The following SPDYA variants were observed in gnomAD, a reference collection of about 807,000 sequenced individuals.
The protein encoded by SPDYA is speedy protein A.
Under a neutral mutation model 36.7 loss-of-function variants are expected in SPDYA, and 11 were observed. The observed-to-expected ratio is 0.30, with a 90% CI of 0.19 to 0.50. The LOEUF (loss-of-function observed/expected upper bound fraction) is 0.50. Ranked by LOEUF, SPDYA falls within the 20% of genes least tolerant of loss-of-function variation. SPDYA has a pLI of 0.98. For synonymous variants in SPDYA, 115 were observed against 118.7 expected, an observed-to-expected ratio of 0.97 and a Z score of 0.20; for missense variants, 287 against 370.9, an observed-to-expected ratio of 0.77 and a Z score of 1.86.
chr2:28,821,381 T>C (rs1207108710), intron 4 of SPDYA, among the ~76,000 whole-genome samples: 1 of 151,918 alleles, frequency 6.6e-6, no homozygotes, highest in Non-Finnish European at 1.5e-5. Context: ...TCTGTATTTT[T>C]AGTAGAGATG....
Position 28,850,355 on chromosome 2 carries a change from G to C in SPDYA, c.*414G>C. 6.2e-7 allele frequency: 1 copy of C among 1,610,958 alleles called. No individual in the cohort carries two copies. The highest frequency in any genetic ancestry group is 8.5e-7 in the Non-Finnish European group (1 of 1,178,468). Reference sequence around the variant, plus strand: ...GTATGACCAGGTTGCCAGTGTACTGGTCTAGCAACATAGGGAAATGATCCA... The same window carrying C: ...GTATGACCAGGTTGCCAGTGTACTGCTCTAGCAACATAGGGAAATGATCCA... On this transcript the variant is annotated 3_prime_UTR_variant, in exon 8 of 8. Coordinates refer to ENST00000334056, the MANE Select transcript of SPDYA (RefSeq NM_182756.4).
rs111598295 is a variant in SPDYA at position 28,817,064 on chromosome 2, A to G, written c.235+815A>G. 4.7e-3 allele frequency among the ~76,000 whole-genome samples: 713 copies of G among 152,308 alleles called. 6 individuals are homozygous for G. The highest frequency in any genetic ancestry group is 0.016 in the African/African-American group (677 of 41,560). On this transcript the variant is annotated intron_variant, in intron 3 of 7. Coordinates refer to ENST00000334056, the MANE Select transcript of SPDYA (RefSeq NM_182756.4). ...ATTTAAAGAAAAGCAAAATGAAAAG[A>G]TGAAACAGGAAAAAATGTAAGGAAT... is the stretch of plus-strand genomic sequence containing the variant.
intron 5 of SPDYA, among the ~76,000 whole-genome samples, chr2:28,823,168 C>T (rs1298194282): frequency 6.6e-6 from 1 of 151,982 alleles, no homozygotes; most frequent in Non-Finnish European, 1.5e-5. Flanking sequence ...TATTTGATAC[C>T]ATTGGTATTC....
In SPDYA at chr2:28,829,407, G is replaced by C. The variant is rs149939624; in HGVS notation, c.552+88G>C. ...TTTTTTAATGTGCTTCTAATGTTTT[G>C]GTATTCTGGGTTTTTTTTTTTTTTC... On this transcript the variant is annotated intron_variant, in intron 6 of 7. Transcript: ENST00000334056. The C allele has an allele frequency of 9.0e-4, 1,174 of 1,303,492 alleles. 14 individuals are homozygous for C. The African/African-American group carries it at 0.016, about 18-fold the overall frequency. The allele number at this position is 1,303,492 out of a possible 1,614,324, so 80.7% of individuals were successfully genotyped here. A position where few individuals can be genotyped will look rare whatever the true frequency, so the allele number is the denominator to read the frequency against.
At chr2:28,826,611 C>CTTTTTTTTTTTTTTTT (rs777338299) in intron 5 of SPDYA, among the ~76,000 whole-genome samples, 2 of 75,328 alleles carry the variant, frequency 2.7e-5, no homozygotes, top group Non-Finnish European at 4.3e-5. Context: ...TTCTTTCTCT[C>CTTTTTTTTTTTTTTTT]TTTTTTTTTT....
chr2:28,813,302 A>G (rs1667898813), intron 1 of SPDYA, among the ~76,000 whole-genome samples: 1 of 152,166 alleles, frequency 6.6e-6, no homozygotes, highest in African/African-American at 2.4e-5. Flanking sequence ...ATTGATAGAA[A>G]ATTTGCATTA....
In SPDYA at chr2:28,840,430, A is replaced by G. The variant is rs990565841; in HGVS notation, c.811A>G (p.Ile271Val). ...QDSYNSLSMDIIGDPSQAYTG... is the reference protein window; with the variant it reads ...QDSYNSLSMDVIGDPSQAYTG... The stretch of plus-strand genomic sequence containing the variant: ...CTCATACAACTCACTGTCAATGGAC[A>G]TAATAGGTGATCCTTCTCAAGCTTA... Residue 271 changes from isoleucine (I) to valine (V), a missense_variant, in exon 7 of 8, where the codon ATA becomes GTA. Coordinates refer to ENST00000334056, the MANE Select transcript of SPDYA (RefSeq NM_182756.4). 6.2e-7 allele frequency: 1 copy of G among 1,614,090 alleles called. No individual in the cohort carries two copies. Among genetic ancestry groups the G allele is most frequent in the African/African-American group, 1.3e-5 (1 of 75,062 alleles).
chr2:28,812,397 C>G (rs1333749985), intron 1 of SPDYA, among the ~76,000 whole-genome samples: 1 of 151,712 alleles, frequency 6.6e-6, no homozygotes, highest in African/African-American at 2.4e-5. Flanking sequence ...AACCACCACC[C>G]TTTATATCAC....
chr2:28,840,614 TAC>T, intron 7 of SPDYA, 145 bp downstream of exon 7: 1 of 1,409,402 alleles, frequency 7.1e-7, no homozygotes, highest in Non-Finnish European at 9.2e-7. Context: ...CCCTTTCAGT[TAC>T]TTTTTGTCTT....
rs1300904720 is a variant in SPDYA, at chr2:28,810,878, C to T, written c.-162C>T. The stretch of plus-strand genomic sequence containing the variant: ...CGACCGACGAGCAACCGTCTGAGGC[C>T]AGGAGCGCTGCGACGGAGCCTTGAC... On this transcript the variant is annotated 5_prime_UTR_variant, in exon 1 of 8. Transcript: ENST00000334056. 1 of 152,272 alleles carries T rather than the reference C, an allele frequency of 6.6e-6. No homozygotes were observed. The highest frequency in any genetic ancestry group is 6.5e-5 in the Admixed American group (1 of 15,290). The allele number at this position is 152,272 out of a possible 1,614,324, so 9.4% of individuals were successfully genotyped here. A position where few individuals can be genotyped will look rare whatever the true frequency, so the allele number is the denominator to read the frequency against.
chr2:28,823,792 C>G (rs1225453150), intron 5 of SPDYA, among the ~76,000 whole-genome samples: 1 of 121,192 alleles, frequency 8.3e-6, no homozygotes, highest in Admixed American at 9.4e-5. Context: ...GTCACCCAGG[C>G]TGGAGTGCAG....
Position 28,826,781 on chromosome 2 carries a change from A to AT in SPDYA, c.381-2362dup, listed in dbSNP as rs112360936. 6.5e-3 allele frequency among the ~76,000 whole-genome samples: 968 copies of AT among 149,958 alleles called. 9 individuals are homozygous for AT. Among genetic ancestry groups the AT allele is most frequent in the African/African-American group, 0.018 (742 of 40,888 alleles). ...AGGCATTCACCACAACACCCAGCTA[A>AT]TTTTTGTATTTTTTTGTAGAGATGG... On this transcript the variant is annotated intron_variant, in intron 5 of 7. Coordinates refer to ENST00000334056, the MANE Select transcript of SPDYA (RefSeq NM_182756.4).
chr2:28,829,126 G>T (rs1205258149), intron 5 of SPDYA, 22 bp from the exon 6 acceptor site: 2 of 1,592,140 alleles, frequency 1.3e-6, no homozygotes, highest in Admixed American at 1.9e-5. Flanking sequence ...TTTCTTTTTT[G>T]GGTTGTGATC....
intron 6 of SPDYA, among the ~76,000 whole-genome samples, chr2:28,837,558 C>T (rs1330694513): frequency 6.6e-6 from 1 of 152,128 alleles, no homozygotes. Flanking sequence ...TTTTTAAGAA[C>T]TTTCCAGGCA....
chr2:28,845,262 T>C (rs1240798396), intron 7 of SPDYA, among the ~76,000 whole-genome samples: 1 of 151,048 alleles, frequency 6.6e-6, no homozygotes, highest in African/African-American at 2.4e-5. Context: ...TTTTTTTTTT[T>C]TTCTTTTTTT....
At position 28,829,427 on chromosome 2, in the gene SPDYA, T is replaced by G. The variant is rs1010729066; in HGVS notation, c.552+108T>G. On this transcript the variant is annotated intron_variant, in intron 6 of 7. Coordinates refer to ENST00000334056, the MANE Select transcript of SPDYA (RefSeq NM_182756.4). ...GTTTTGGTATTCTGGGTTTTTTTTT[T>G]TTTTCTAATATGTGGAGTAGACCAT... 4.4e-4 allele frequency: 490 copies of G among 1,111,186 alleles called. 3 individuals carry two copies. Among genetic ancestry groups the G allele is most frequent in the East Asian group, 2.3e-3 (88 of 38,966 alleles). The allele number at this position is 1,111,186 out of a possible 1,614,324, so 68.8% of individuals were successfully genotyped here.
In SPDYA at chr2:28,823,933, G is replaced by A. The variant is rs537027853; in HGVS notation, c.380+1523G>A. Among the ~76,000 whole-genome samples, 23 of 149,040 alleles carry A rather than the reference G, an allele frequency of 1.5e-4. No individual in the cohort carries two copies. The South Asian group carries it at 4.1e-3, about 27-fold the overall frequency. On this transcript the variant is annotated intron_variant, in intron 5 of 7. Coordinates refer to ENST00000334056, the MANE Select transcript of SPDYA (RefSeq NM_182756.4). ...ACTAATTTTTTGTGTTTTTAGTAGA[G>A]ATGAGGTTTTACCACGTTGGCCAGG...
intron 7 of SPDYA, among the ~76,000 whole-genome samples, chr2:28,847,160 T>C (rs1470436945): frequency 6.6e-6 from 1 of 152,078 alleles, no homozygotes; most frequent in Non-Finnish European, 1.5e-5. Context: ...CTGGCCAACA[T>C]GGTGAAACCC....
At position 28,831,714 on chromosome 2, in the gene SPDYA, A is replaced by G. The variant is rs76075750; in HGVS notation, c.552+2395A>G. ...CTCCCATCTCTGTCCTCACACTTCAATTACAACAATCATGCATTACTCTCT... is the reference window on the plus strand; with the variant it reads ...CTCCCATCTCTGTCCTCACACTTCAGTTACAACAATCATGCATTACTCTCT... On this transcript the variant is annotated intron_variant, in intron 6 of 7. Coordinates refer to ENST00000334056, the MANE Select transcript of SPDYA (RefSeq NM_182756.4). 1.1e-3 allele frequency among the ~76,000 whole-genome samples: 160 copies of G among 152,320 alleles called. No homozygotes were observed. The East Asian group carries it at 0.021, about 20-fold the overall frequency.
Sources: gnomAD v4.1 joint callset for allele counts (sites outside exome capture counted in the v4.1 genomes callset) on GRCh38, gnomAD v4.1.1 for gene constraint, MANE v1.5 for transcripts, NCBI Gene and HGNC (gene_info 2026-07-23, HGNC 2026-07-21) for gene names.